BANP: variants seen among roughly 807,000 people sequenced by gnomAD.
BANP encodes BTG3 associated nuclear protein, also known as protein BANP.
A neutral mutation model predicts 68.1 loss-of-function variants in BANP; 11 were observed. That is an observed-to-expected ratio of 0.16 (90% CI 0.10 to 0.27). The LOEUF is 0.27. BANP is among the 10% of genes least tolerant of loss of function. BANP has a pLI of 1.00. For missense variants in BANP, 504 were observed against 722.7 expected (o/e 0.70, Z 3.47); for synonymous variants, 329 against 303.2 (o/e 1.09, Z -0.88).
At chr16:88,035,194 C>A in intron 9 of BANP, 129 bp from the exon 10 acceptor site, 2 of 854,440 alleles carry the variant, frequency 2.3e-6, no homozygotes, top group Non-Finnish European at 3.8e-6. Flanking sequence ...CTATATTGCA[C>A]TATTCAGGAT....
At chr16:87,959,478 A>T (rs1935899218) in intron 1 of BANP, among the ~76,000 whole-genome samples, 1 of 152,218 alleles carries the variant, frequency 6.6e-6, no homozygotes. Context: ...GGCCCTGCAC[A>T]GAGGAGCTGA....
intron 4 of BANP, among the ~76,000 whole-genome samples, chr16:87,997,793 C>T (rs993913265): frequency 1.3e-5 from 2 of 152,244 alleles, no homozygotes; most frequent in African/African-American, 4.8e-5. Flanking sequence ...ACGAAGCACT[C>T]AGTACTCCTT....
chr16:88,062,459 G>A (rs991178090), intron 11 of BANP, among the ~76,000 whole-genome samples: 11 of 152,266 alleles, frequency 7.2e-5, no homozygotes, highest in African/African-American at 2.4e-4. Context: ...ACCTTCTGCC[G>A]CTTTCTTTTA....
At chr16:88,031,521 T>C (rs1345480488) in intron 8 of BANP, among the ~76,000 whole-genome samples, 7 of 151,544 alleles carry the variant, frequency 4.6e-5, no homozygotes, top group Non-Finnish European at 1.0e-4. Context: ...TGATGGTGGG[T>C]GCCTGTAATC....
In BANP at chr16:88,004,228, T is replaced by A. The variant is rs1375112750; in HGVS notation, c.363-67T>A. 2.1e-6 allele frequency: 2 copies of A among 966,014 alleles called. No individual in the cohort carries two copies. The highest frequency in any genetic ancestry group is 3.2e-5 in the African/African-American group (2 of 61,886). 59.8% of individuals were successfully genotyped at this position (966,014 alleles called of 1,614,324 possible). A position where few individuals can be genotyped will look rare whatever the true frequency, so the allele number is the denominator to read the frequency against. On this transcript the variant is annotated intron_variant, in intron 4 of 13. Transcript: ENST00000682872. This position sits in a 1 kb window ranked among gnomAD's most constrained non-coding sequence, Gnocchi z 7.0. ...AGTGGACTGTGTTGAATGACTCTTATGTGCTCTTACCATGAATGTTGTTGT... is the reference window on the plus strand; with the variant it reads ...AGTGGACTGTGTTGAATGACTCTTAAGTGCTCTTACCATGAATGTTGTTGT...
chr16:88,000,571 T>G (rs1361963945), intron 4 of BANP, among the ~76,000 whole-genome samples: 2 of 3,332 alleles, frequency 6.0e-4, no homozygotes, highest in Admixed American at 1.8e-3. Flanking sequence ...TGCGCGGCTG[T>G]ACTTACCTGT....
At chr16:87,953,049 C>T (rs2057301477) in intron 1 of BANP, among the ~76,000 whole-genome samples, 1 of 152,148 alleles carries the variant, frequency 6.6e-6, no homozygotes, top group Non-Finnish European at 1.5e-5. Flanking sequence ...GGCAGCTCAA[C>T]ATCTCGGGTG....
rs115036707 is a variant in BANP at position 87,988,772 on chromosome 16, C to T, written c.362+4513C>T. ...TGTGACGAGGCCCCCGGAGAGAGTG[C>T]GAGAAGCTGCCCCCTGCGGTATCAC... On this transcript the variant is annotated intron_variant, in intron 4 of 13. Transcript: ENST00000682872. Among the ~76,000 whole-genome samples the T allele has an allele frequency of 8.4e-3, 1,272 of 152,222 alleles. 15 individuals carry two copies. The highest frequency in any genetic ancestry group is 0.028 in the African/African-American group (1,172 of 41,528).
chr16:88,020,678 G>T (rs1351355052), intron 7 of BANP, among the ~76,000 whole-genome samples: 2 of 152,218 alleles, frequency 1.3e-5, no homozygotes, highest in African/African-American at 4.8e-5. Context: ...GTGTGGGGCA[G>T]TGGCATTCGG....
At chr16:88,053,163 C>T (rs1043564529) in intron 11 of BANP, among the ~76,000 whole-genome samples, 1 of 151,834 alleles carries the variant, frequency 6.6e-6, no homozygotes, top group African/African-American at 2.4e-5. Context: ...CAACCATAAC[C>T]ACCTTAACAA....
rs565993538 is a variant in BANP, at chr16:88,004,108, T to C, written c.363-187T>C. Among the ~76,000 whole-genome samples, 9 of 152,352 alleles carry C rather than the reference T, an allele frequency of 5.9e-5. No homozygotes were observed. The highest frequency in any genetic ancestry group is 2.6e-4 in the Admixed American group (4 of 15,302). ...AACCCCATCTCCAGTTTATTCTTCC[T>C]TAGCATTTGGGGCTCCTTCCCCCTC... is the stretch of plus-strand genomic sequence containing the variant. On this transcript the variant is annotated intron_variant, in intron 4 of 13. Transcript: ENST00000682872. This position sits in a 1 kb window ranked among gnomAD's most constrained non-coding sequence, Gnocchi z 7.0.
At position 87,975,021 on chromosome 16, in the gene BANP, T is replaced by C. The variant is rs115587591; in HGVS notation, c.-68-27T>C. The C allele has an allele frequency of 3.3e-4, 350 of 1,048,920 alleles. 2 individuals are homozygous for C. The African/African-American group carries it at 4.5e-3, about 14-fold the overall frequency. The allele number at this position is 1,048,920 out of a possible 1,614,324, so 65.0% of individuals were successfully genotyped here. A position where few individuals can be genotyped will look rare whatever the true frequency, so the allele number is the denominator to read the frequency against. On this transcript the variant is annotated intron_variant, in intron 1 of 13. Coordinates refer to ENST00000682872, the MANE Select transcript of BANP (RefSeq NM_001386991.1). ...ACGTGTAGCGATGGTTAATGTCCTC[T>C]CCTCCTCCTTTGCTTCTGTTTGGTA...
intron 11 of BANP, among the ~76,000 whole-genome samples, chr16:88,054,528 C>G (rs1322068278): frequency 1.3e-5 from 2 of 152,236 alleles, no homozygotes; most frequent in African/African-American, 2.4e-5. Flanking sequence ...CCCTGTCACC[C>G]TCTCCGTTGC....
intron 4 of BANP, among the ~76,000 whole-genome samples, chr16:87,993,852 T>C (rs922679250): frequency 5.3e-5 from 8 of 152,138 alleles, no homozygotes; most frequent in African/African-American, 1.9e-4. Context: ...CCGCCTGCCT[T>C]GGCCTCCCAA....
Position 88,071,985 on chromosome 16 carries a change from G to A in BANP, c.1378-84G>A, listed in dbSNP as rs112488444. The stretch of plus-strand genomic sequence containing the variant: ...CAGGGGACAGCACGTGTGGGCTGGG[G>A]TCTGCGGTCTGTGGAGCCATGTGGG... On this transcript the variant is annotated intron_variant, in intron 12 of 13. Coordinates refer to ENST00000682872, the MANE Select transcript of BANP (RefSeq NM_001386991.1). The surrounding 1 kb of genome is among the most constrained non-coding windows in gnomAD (Gnocchi z 6.5). 9.1e-5 allele frequency: 138 copies of A among 1,518,880 alleles called. 2 individuals carry two copies. The African/African-American group carries it at 1.4e-3, about 15-fold the overall frequency. The allele number at this position is 1,518,880 out of a possible 1,614,324, so 94.1% of individuals were successfully genotyped here.
At chr16:88,034,309 A>G (rs1196818329) in intron 9 of BANP, among the ~76,000 whole-genome samples, 6 of 152,228 alleles carry the variant, frequency 3.9e-5, no homozygotes, top group Non-Finnish European at 8.8e-5. Context: ...GTTCCAGAGT[A>G]GATAACTTTG....
chr16:87,983,293 C>G (rs1018861163), intron 3 of BANP, among the ~76,000 whole-genome samples: 4 of 152,154 alleles, frequency 2.6e-5, no homozygotes, highest in Non-Finnish European at 5.9e-5. Flanking sequence ...GCTGGTGAGA[C>G]CTGGTGGAGG....
intron 3 of BANP, among the ~76,000 whole-genome samples, chr16:87,983,179 G>C (rs1448593352): frequency 2.0e-5 from 3 of 152,354 alleles, no homozygotes; most frequent in African/African-American, 4.8e-5. Context: ...GTTTTCAGCT[G>C]TTGATTCTTA....
Position 87,983,896 on chromosome 16 carries a change from C to G in BANP, c.163-164C>G, listed in dbSNP as rs1393842410. On this transcript the variant is annotated intron_variant, in intron 3 of 13. Transcript: ENST00000682872. Reference sequence around the variant, plus strand: ...TCGTGTGTAAAATGTGGACGTGTTACTCACATGTTTCTGGCTCATAGCTCA... The same window carrying G: ...TCGTGTGTAAAATGTGGACGTGTTAGTCACATGTTTCTGGCTCATAGCTCA... Among the ~76,000 whole-genome samples, 3 of 152,282 alleles carry G rather than the reference C, an allele frequency of 2.0e-5. No individual in the cohort carries two copies. In the East Asian group the frequency reaches 5.8e-4, roughly 29 times the overall value.
Sources: allele counts gnomAD v4.1 joint callset (sites outside exome capture counted in the v4.1 genomes callset), GRCh38; gene constraint gnomAD v4.1.1; non-coding constraint Gnocchi (gnomAD v3.1); transcripts MANE v1.5; gene names NCBI Gene and HGNC (gene_info 2026-07-23, HGNC 2026-07-21).